Variants in CHORDC1 observed in about 807,000 individuals in gnomAD.
CHORDC1 encodes cysteine and histidine-rich domain-containing protein 1.
In CHORDC1, 25 loss-of-function variants were observed where a neutral mutation model predicts 48.3. That is an observed-to-expected ratio of 0.52 (90% CI 0.38 to 0.72). The LOEUF is 0.72. CHORDC1 is among the 30% of genes least tolerant of loss of function. The pLI, the probability that CHORDC1 is intolerant of heterozygous loss-of-function variation, is 0.00. For missense variants in CHORDC1, 317 were observed against 388.7 expected (o/e 0.82, Z 1.55); for synonymous variants, 128 against 126.4 (o/e 1.01, Z -0.09).
At chr11:90,208,285 TAGTC>T (rs1857761751) in intron 6 of CHORDC1, 1 of 151,736 alleles carries the variant, frequency 6.6e-6, no homozygotes, top group Non-Finnish European at 1.5e-5. Flanking sequence ...ATACAAAAAT[TAGTC>T]AGGCGTGGTG....
intron 1 of CHORDC1, chr11:90,222,606 A>G (rs936337416): frequency 1.1e-5 from 7 of 646,646 alleles, no homozygotes; most frequent in Non-Finnish European, 1.7e-5. Flanking sequence ...GCGACTTAAA[A>G]GGAGTGCGGG....
intron 7 of CHORDC1, chr11:90,205,837 C>T (rs1206032953): frequency 6.6e-6 from 3 of 451,908 alleles, no homozygotes; most frequent in East Asian, 4.3e-5. Context: ...AAGTATGGGT[C>T]GTCTTGGGAT....
At chr11:90,206,001 A>C (rs1419228465) in intron 7 of CHORDC1, 17 of 576,258 alleles carry the variant, frequency 3.0e-5, no homozygotes, top group Non-Finnish European at 4.7e-5. Context: ...CCACTTAAGA[A>C]CTGTAACCTT....
At chr11:90,204,013 T>A (rs1857605725) in intron 8 of CHORDC1, among the ~76,000 whole-genome samples, 1 of 152,166 alleles carries the variant, frequency 6.6e-6, no homozygotes, top group Non-Finnish European at 1.5e-5. Flanking sequence ...TATTTTTTTT[T>A]ATAGAGGCAA....
chr11:90,210,466 TCAG>T, intron 6 of CHORDC1, 67 bp downstream of exon 6: 1 of 924,000 alleles, frequency 1.1e-6, no homozygotes, highest in East Asian at 2.4e-5. Context: ...TTGAATTGAG[TCAG>T]CAAACTGCAC....
At chr11:90,213,440 C>A in intron 4 of CHORDC1, 1 of 696,992 alleles carries the variant, frequency 1.4e-6, no homozygotes. Flanking sequence ...CAAAGGTACT[C>A]AATATACATG....
intron 4 of CHORDC1, chr11:90,213,448 A>G (rs1280185421): frequency 4.3e-6 from 3 of 694,404 alleles, no homozygotes; most frequent in East Asian, 5.4e-5. Flanking sequence ...CTCAATATAC[A>G]TGTGTGGGAA....
chr11:90,222,260 G>C (rs1034317673), intron 1 of CHORDC1, among the ~76,000 whole-genome samples: 6 of 152,152 alleles, frequency 3.9e-5, no homozygotes, highest in Admixed American at 1.3e-4. Flanking sequence ...GCCACAAGAA[G>C]AACAAGCAAC....
chr11:90,212,116 T>TA (rs1857884450), intron 4 of CHORDC1: 1 of 152,048 alleles, frequency 6.6e-6, no homozygotes, highest in Non-Finnish European at 1.5e-5. Context: ...CGCAAAATAA[T>TA]AAAAAATATT....
chr11:90,206,070 A>G (rs1282201047), intron 7 of CHORDC1, 132 bp downstream of exon 7: 1 of 683,358 alleles, frequency 1.5e-6, no homozygotes, highest in African/African-American at 1.8e-5. Flanking sequence ...TGTGTAGGCT[A>G]TTGTGAAGAT....
In CHORDC1 at chr11:90,206,300, T is replaced by A. The variant is rs200371149; in HGVS notation, c.493-28A>T. The stretch of plus-strand genomic sequence containing the variant: ...AAAAAGGAAACAAAGAGAAAAAAAA[T>A]TAGCTGCGTATCTTACAGTTACATC... On this transcript the variant is annotated intron_variant, in intron 6 of 10. Transcript: ENST00000320585. 483 of 1,222,370 alleles carry A rather than the reference T, an allele frequency of 4.0e-4. 2 individuals carry two copies. The African/African-American group carries it at 6.3e-3, about 16-fold the overall frequency. 75.7% of individuals were successfully genotyped at this position (1,222,370 alleles called of 1,614,324 possible). A position where few individuals can be genotyped will look rare whatever the true frequency, so the allele number is the denominator to read the frequency against.
chr11:90,218,549 A>G (rs569511203), intron 1 of CHORDC1, among the ~76,000 whole-genome samples: 1 of 152,350 alleles, frequency 6.6e-6, no homozygotes, highest in South Asian at 2.1e-4. Flanking sequence ...AACTTGAAGT[A>G]TTCTTATGTG....
Position 90,202,497 on chromosome 11 carries a change from T to A in CHORDC1, c.907A>T (p.Thr303Ser), listed in dbSNP as rs762307955. 242 of 1,613,006 alleles carry A rather than the reference T, an allele frequency of 1.5e-4. No homozygotes were observed. The highest frequency in any genetic ancestry group is 2.0e-4 in the Non-Finnish European group (234 of 1,179,670). Residue 303 changes from threonine to serine, a missense_variant, in exon 11 of 11, where the codon ACT becomes TCT. Coordinates refer to ENST00000320585, the MANE Select transcript of CHORDC1 (RefSeq NM_012124.3). ...TGCATCGGTTCAGCTTTTCTCATAG[T>A]GATTTCAATCTTTGTTGCAGTCATA... ...VTMTATKIEI[T>S]MRKAEPMQWA...
chr11:90,219,454 A>T (rs1285259960), intron 1 of CHORDC1, among the ~76,000 whole-genome samples: 1 of 152,222 alleles, frequency 6.6e-6, no homozygotes, highest in East Asian at 1.9e-4. Context: ...ACTGGCCATC[A>T]ACAAAATCTC....
At position 90,203,299 on chromosome 11, in the gene CHORDC1, T is replaced by C. The variant is rs372593803; in HGVS notation, c.789+9A>G. 2.9e-5 allele frequency: 46 copies of C among 1,567,090 alleles called. No homozygotes were observed. The highest frequency in any genetic ancestry group is 3.8e-5 in the Non-Finnish European group (44 of 1,148,016). Reference sequence around the variant, plus strand: ...AGAACTTTTACCCAAAATTATAAGATGTACTTACCAATGTGCTATTTGCTT... The same window carrying C: ...AGAACTTTTACCCAAAATTATAAGACGTACTTACCAATGTGCTATTTGCTT... On this transcript the variant is annotated intron_variant, in intron 9 of 10. Transcript: ENST00000320585.
chr11:90,212,731 A>G (rs533628297), intron 4 of CHORDC1: 8 of 152,260 alleles, frequency 5.3e-5, no homozygotes, highest in East Asian at 3.9e-4. Flanking sequence ...CAAAAAGTCA[A>G]TCTCAAGATC....
In CHORDC1 at chr11:90,201,597, CT is replaced by C. The variant is rs1198790686; in HGVS notation, c.*807del. 6.6e-6 allele frequency: 1 copy of C among 152,242 alleles called. No individual in the cohort carries two copies. The highest frequency in any genetic ancestry group is 1.5e-5 in the Non-Finnish European group (1 of 67,840). The allele number at this position is 152,242 out of a possible 1,614,324, so 9.4% of individuals were successfully genotyped here. A position where few individuals can be genotyped will look rare whatever the true frequency, so the allele number is the denominator to read the frequency against. ...CAGGGAGGCAAGATATATATAATTT[CT>C]TTTTATATTTAACTAAAGGTTTTAA... On this transcript the variant is annotated 3_prime_UTR_variant, in exon 11 of 11. Coordinates refer to ENST00000320585, the MANE Select transcript of CHORDC1 (RefSeq NM_012124.3).
chr11:90,213,551 T>C (rs1857926663), intron 4 of CHORDC1: 1 of 529,398 alleles, frequency 1.9e-6, no homozygotes, highest in South Asian at 2.8e-5. Context: ...CTTTCACAAA[T>C]ATGTCATCTA....
At chr11:90,209,568 G>C (rs1857803564) in intron 6 of CHORDC1, 1 of 152,116 alleles carries the variant, frequency 6.6e-6, no homozygotes. Context: ...TAGCTCAGAA[G>C]TAAAATAAGT....
Sources: allele counts gnomAD v4.1 joint callset (sites outside exome capture counted in the v4.1 genomes callset), GRCh38; gene constraint gnomAD v4.1.1; transcripts MANE v1.5; gene names NCBI Gene and HGNC (gene_info 2026-07-23, HGNC 2026-07-21).